Variants in DDX50 observed in about 807,000 individuals in gnomAD.
The protein encoded by DDX50 is ATP-dependent RNA helicase DDX50.
DDX50 carries 56 observed loss-of-function variants against 94.8 expected under a neutral mutation model. The ratio of observed to expected loss-of-function variants is 0.59; its 90% CI spans 0.48 to 0.74. The LOEUF is 0.74. Among genes scored for constraint, DDX50 ranks in the 30% least tolerant of loss-of-function variants. The probability of loss-of-function intolerance (pLI) is 0.00; values close to 1 mark genes in which losing one functional copy is unlikely to be tolerated. For synonymous variants in DDX50, 264 were observed against 295.4 expected (o/e 0.89, Z 1.09); for missense variants, 713 against 881.2 (o/e 0.81, Z 2.42).
chr10:68,936,805 C>A, intron 11 of DDX50, 131 bp from the exon 12 acceptor site: 1 of 841,306 alleles, frequency 1.2e-6, no homozygotes, highest in Non-Finnish European at 1.7e-6. Context: ...CGTGCCAGTG[C>A]GCTCCAGACT....
rs1190312030 is a variant in DDX50 at position 68,931,410 on chromosome 10, T to C, written c.1240-2789T>C. 1.5e-3 allele frequency among the ~76,000 whole-genome samples: 64 copies of C among 42,592 alleles called. 1 individual carries two copies. The highest frequency in any genetic ancestry group is 2.2e-3 in the South Asian group (3 of 1,348). The allele number at this position is 42,592 out of a possible 152,430, so 27.9% of individuals were successfully genotyped here. A position where few individuals can be genotyped will look rare whatever the true frequency, so the allele number is the denominator to read the frequency against. On this transcript the variant is annotated intron_variant, in intron 8 of 14. Transcript: ENST00000373585. Reference sequence around the variant, plus strand: ...AAAAAAAAATATATATATATATATATGTATATATATATATATACACAAACA... The same window carrying C: ...AAAAAAAAATATATATATATATATACGTATATATATATATATACACAAACA...
chr10:68,907,198 C>T (rs1841479706), intron 2 of DDX50, among the ~76,000 whole-genome samples, 191 bp downstream of exon 2: 1 of 152,032 alleles, frequency 6.6e-6, no homozygotes, highest in Non-Finnish European at 1.5e-5. Context: ...CACTGTATGG[C>T]CTTTTTCTTG....
Position 68,910,368 on chromosome 10 carries a change from T to C in DDX50, c.446T>C (p.Ile149Thr). 6.2e-7 allele frequency: 1 copy of C among 1,605,262 alleles called. No homozygotes were observed. Among genetic ancestry groups the C allele is most frequent in the Middle Eastern group, 1.7e-4 (1 of 5,856 alleles). The change falls in exon 3 of 15, where the codon ATA becomes ACA. Residue 149 changes from isoleucine to threonine, a missense_variant. This residue lies in a region of DDX50 where 285 missense variants were observed against 278.9 expected (regional missense o/e 1.02). Coordinates refer to ENST00000373585, the MANE Select transcript of DDX50 (RefSeq NM_024045.2). ...FSNFPISEET[I>T]KLLKGRGVTY... ...AATTTTCCTATTTCTGAAGAGACTA[T>C]AAAGCTTCTGAAAGGTATGCAGTTT... is the stretch of plus-strand genomic sequence containing the variant.
chr10:68,925,789 A>C (rs1842066419), intron 8 of DDX50, among the ~76,000 whole-genome samples: 2 of 151,968 alleles, frequency 1.3e-5, no homozygotes, highest in Admixed American at 1.3e-4. Context: ...CGAGGTAGGC[A>C]GATTGCCTGA....
intron 7 of DDX50, 135 bp from the exon 8 acceptor site, chr10:68,919,697 G>C: frequency 1.0e-6 from 1 of 995,154 alleles, no homozygotes; most frequent in South Asian, 1.7e-5. Flanking sequence ...TTGTTTTTAA[G>C]TGCTGTTGAG....
rs1841449582 is a variant in DDX50 at position 68,906,565 on chromosome 10, A to G, written c.88-146A>G. The G allele has an allele frequency of 1.0e-5, 8 of 781,200 alleles. No homozygotes were observed. In the South Asian group the frequency reaches 1.1e-4, roughly 11 times the overall value. The allele number at this position is 781,200 out of a possible 1,614,324, so 48.4% of individuals were successfully genotyped here. A position where few individuals can be genotyped will look rare whatever the true frequency, so the allele number is the denominator to read the frequency against. ...CAGTTGAGGCTTAGAGCTTGGCATT[A>G]GTAAGCAGTCTGGATTTCTACCAGG... is the stretch of plus-strand genomic sequence containing the variant. On this transcript the variant is annotated intron_variant, in intron 1 of 14. Coordinates refer to ENST00000373585, the MANE Select transcript of DDX50 (RefSeq NM_024045.2).
intron 6 of DDX50, 138 bp from the exon 7 acceptor site, chr10:68,913,921 G>A: frequency 2.4e-6 from 2 of 833,388 alleles, no homozygotes; most frequent in Non-Finnish European, 3.5e-6. Context: ...TTTAATAATT[G>A]CAATGAAGTC....
chr10:68,943,299 T>C (rs1400175526), intron 14 of DDX50, 42 bp downstream of exon 14: 1 of 1,508,384 alleles, frequency 6.6e-7, no homozygotes, highest in Non-Finnish European at 9.1e-7. Context: ...GAGTACATTC[T>C]CTAACATTTA....
At chr10:68,913,606 G>A (rs760996318) in intron 6 of DDX50, 30 bp downstream of exon 6, 3 of 1,570,894 alleles carry the variant, frequency 1.9e-6, no homozygotes, top group Non-Finnish European at 2.6e-6. Context: ...AAGCACATTA[G>A]CAATTATTGT....
intron 12 of DDX50, among the ~76,000 whole-genome samples, chr10:68,938,059 T>C (rs1267609176): frequency 6.6e-6 from 1 of 152,246 alleles, no homozygotes; most frequent in Non-Finnish European, 1.5e-5. Context: ...ATTTAGTTTA[T>C]ATCCATTTTT....
Position 68,943,244 on chromosome 10 carries a change from C to A in DDX50, c.1922C>A (p.Ser641Ter). 1 of 1,607,186 alleles carries A rather than the reference C, an allele frequency of 6.2e-7. No individual in the cohort carries two copies. The highest frequency in any genetic ancestry group is 1.1e-5 in the South Asian group (1 of 88,846). ...TGCTTTGATGTTCCTACAACTGAGT[C>A]AGAAAGGTTACAGGTATTTTTAAAA... Reference protein sequence around the residue: ...GVCFDVPTTESERLQAEWHDS... With the variant: ...GVCFDVPTTE The change falls in exon 14 of 15, where the codon TCA becomes TAA. Residue 641 changes from serine to a stop codon, truncating the protein, a stop_gained. Coordinates refer to ENST00000373585, the MANE Select transcript of DDX50 (RefSeq NM_024045.2). LOFTEE classifies it high-confidence loss of function.
At chr10:68,914,769 C>T (rs957008209) in intron 7 of DDX50, among the ~76,000 whole-genome samples, 3 of 152,204 alleles carry the variant, frequency 2.0e-5, no homozygotes, top group Non-Finnish European at 4.4e-5. Flanking sequence ...CGCCTGTAAT[C>T]CCAGCACTTT....
intron 7 of DDX50, among the ~76,000 whole-genome samples, chr10:68,917,703 A>G (rs942966172): frequency 2.0e-4 from 31 of 152,094 alleles, no homozygotes; most frequent in African/African-American, 6.3e-4. Flanking sequence ...TCCAGGTTCA[A>G]GAGATTCTCC....
chr10:68,946,383 C>A lies in DDX50; in HGVS notation c.1967C>A (p.Ser656Ter). 6.2e-7 allele frequency: 1 copy of A among 1,613,906 alleles called. No individual in the cohort carries two copies. The highest frequency in any genetic ancestry group is 1.1e-5 in the South Asian group (1 of 91,044). The stretch of plus-strand genomic sequence containing the variant: ...TGGCATGATTCCGACTGGATACTCT[C>A]AGTGCCAGCCAAATTACCTGAAATT... ...AEWHDSDWIL[S>*]VPAKLPEIEE... is the part of the protein sequence containing the mutation. The change falls in exon 15 of 15, where the codon TCA (serine) becomes TAA (stop). Residue 656 changes from serine (S) to a stop codon, truncating the protein, a stop_gained. Coordinates refer to ENST00000373585, the MANE Select transcript of DDX50 (RefSeq NM_024045.2). LOFTEE classifies it high-confidence loss of function.
intron 2 of DDX50, 44 bp downstream of exon 2, chr10:68,907,051 A>G: frequency 1.4e-5 from 22 of 1,540,670 alleles, no homozygotes; most frequent in East Asian, 2.3e-5. Flanking sequence ...TTGTTGAACT[A>G]TAGGTTGATT....
At chr10:68,914,757 C>T (rs1276511741) in intron 7 of DDX50, among the ~76,000 whole-genome samples, 1 of 152,240 alleles carries the variant, frequency 6.6e-6, no homozygotes, top group Admixed American at 6.5e-5. Flanking sequence ...CATGGTGGCT[C>T]ACGCCTGTAA....
At chr10:68,914,325 A>T in intron 7 of DDX50, 121 bp downstream of exon 7, 1 of 1,049,662 alleles carries the variant, frequency 9.5e-7, no homozygotes, top group Non-Finnish European at 1.4e-6. Context: ...TTCTGCTCTT[A>T]GTAAGACACC....
At chr10:68,931,216 C>G (rs1227521880) in intron 8 of DDX50, among the ~76,000 whole-genome samples, 1 of 151,404 alleles carries the variant, frequency 6.6e-6, no homozygotes, top group African/African-American at 2.4e-5. Context: ...TATTTTTGTT[C>G]ACCTTTTTAT....
At chr10:68,909,917 C>T (rs913559874) in intron 2 of DDX50, among the ~76,000 whole-genome samples, 3 of 152,212 alleles carry the variant, frequency 2.0e-5, no homozygotes, top group African/African-American at 7.2e-5. Context: ...CTGCCTTGGC[C>T]TCCCAAAGTG....
Sources: gnomAD v4.1 joint callset for allele counts (sites outside exome capture counted in the v4.1 genomes callset) on GRCh38, gnomAD v4.1.1 for gene constraint, gnomAD v4.1.1 regional missense constraint, MANE v1.5 for transcripts, NCBI Gene and HGNC (gene_info 2026-07-23, HGNC 2026-07-21) for gene names.